TBC1D2: variants seen among roughly 807,000 people sequenced by gnomAD.
The protein encoded by TBC1D2 is TBC1 domain family member 2.
Under a neutral mutation model 91.1 loss-of-function variants are expected in TBC1D2, and 58 were observed. The ratio of observed to expected loss-of-function variants is 0.64; its 90% CI spans 0.52 to 0.79. The LOEUF (loss-of-function observed/expected upper bound fraction) is 0.79. TBC1D2 is among the 30% of genes least tolerant of loss of function. The pLI is 0.00. For missense variants in TBC1D2, 1,080 were observed against 1,208.3 expected, an observed-to-expected ratio of 0.89 and a Z score of 1.57; for synonymous variants, 482 against 511.5, an observed-to-expected ratio of 0.94 and a Z score of 0.78.
At chr9:98,236,752 G>A (rs920640072) in intron 3 of TBC1D2, among the ~76,000 whole-genome samples, 3 of 152,120 alleles carry the variant, frequency 2.0e-5, no homozygotes, top group Admixed American at 6.5e-5. Flanking sequence ...TCCAAAAATG[G>A]TCTGCAAAGA....
intron 1 of TBC1D2, 130 bp from the exon 2 acceptor site, chr9:98,252,056 A>C: frequency 8.4e-7 from 1 of 1,197,206 alleles, no homozygotes; most frequent in Non-Finnish European, 1.1e-6. Context: ...GGGTCACTGT[A>C]GGTATGTATG....
At chr9:98,244,157 C>T (rs1829713599) in intron 2 of TBC1D2, 28 bp from the exon 3 acceptor site, 3 of 1,611,008 alleles carry the variant, frequency 1.9e-6, no homozygotes, top group Non-Finnish European at 2.5e-6. Context: ...GGAAATCCAT[C>T]AGCTGGGTCA....
rs1428405329 is a variant in TBC1D2, at chr9:98,217,888, TA to T, written c.1374+2944del. Reference sequence around the variant, plus strand: ...GCCTTCATACCTAGTGAATTTATTTTATTTTTTTTTAGAGACAGGGTCTTGC... The same window carrying T: ...GCCTTCATACCTAGTGAATTTATTTTTTTTTTTTTAGAGACAGGGTCTTGC... On this transcript the variant is annotated intron_variant, in intron 6 of 12. Coordinates refer to ENST00000465784, the MANE Select transcript of TBC1D2 (RefSeq NM_001267571.2). Among the ~76,000 whole-genome samples, 110 of 152,162 alleles carry T rather than the reference TA, an allele frequency of 7.2e-4. 1 individual carries two copies. The highest frequency in any genetic ancestry group is 2.4e-3 in the African/African-American group (101 of 41,498).
intron 5 of TBC1D2, among the ~76,000 whole-genome samples, chr9:98,222,714 T>C (rs984764900): frequency 6.6e-5 from 10 of 152,262 alleles, no homozygotes; most frequent in Non-Finnish European, 1.3e-4. Flanking sequence ...AACACTGCCC[T>C]GCTCTGTGCT....
chr9:98,218,068 C>T (rs1485859281), intron 6 of TBC1D2, among the ~76,000 whole-genome samples: 2 of 152,006 alleles, frequency 1.3e-5, no homozygotes, highest in Non-Finnish European at 2.9e-5. Flanking sequence ...CCCGGCTTGT[C>T]TCTAACTCCT....
At position 98,208,682 on chromosome 9, in the gene TBC1D2, G is replaced by C. The variant is rs1306430951; in HGVS notation, c.2136C>G (p.Cys712Trp). Residue 712 changes from cysteine (C) to tryptophan (W), a missense_variant, in exon 9 of 13, where the codon TGC (cysteine) becomes TGG (tryptophan). Transcript: ENST00000465784. ...FSWQNPTIGY[C>W]QGLNRLAAIA... The stretch of plus-strand genomic sequence containing the variant: ...TGGTGGCTTACCTGTTCAGGCCCTG[G>C]CAGTAGCCGATGGTGGGGTTCTGCC... 8 of 1,529,820 alleles carry C rather than the reference G, an allele frequency of 5.2e-6. No homozygotes were observed. Among genetic ancestry groups the C allele is most frequent in the Non-Finnish European group, 7.0e-6 (8 of 1,136,458 alleles). 94.8% of individuals were successfully genotyped at this position (1,529,820 alleles called of 1,614,324 possible).
Position 98,255,428 on chromosome 9 carries a change from G to A in TBC1D2, c.114C>T (p.Ala38=). Residue 38 remains alanine (A), a synonymous_variant, in exon 1 of 13, where the codon GCC becomes GCT. Coordinates refer to ENST00000465784, the MANE Select transcript of TBC1D2 (RefSeq NM_001267571.2). ...TCTTGGGGACCGCCTCCAGGGACCG[G>A]GCGCAGTCCCCCGATTCTTCCTCCG... is the stretch of plus-strand genomic sequence containing the variant. ...PPPEEESGDC[A]RSLEAVPKKL... The A allele has an allele frequency of 6.2e-7, 1 of 1,610,488 alleles. No homozygotes were observed. Among genetic ancestry groups the A allele is most frequent in the South Asian group, 1.1e-5 (1 of 90,804 alleles).
chr9:98,213,071 G>C, intron 7 of TBC1D2, 37 bp downstream of exon 7: 1 of 1,610,964 alleles, frequency 6.2e-7, no homozygotes, highest in Admixed American at 1.7e-5. Flanking sequence ...AGAGGGGCCA[G>C]GGATGGAGAC....
intron 5 of TBC1D2, among the ~76,000 whole-genome samples, chr9:98,222,933 T>C (rs112665513): frequency 2.6e-5 from 4 of 152,166 alleles, no homozygotes; most frequent in African/African-American, 9.6e-5. Flanking sequence ...GTGACCATCC[T>C]TTCTCTGGTT....
intron 4 of TBC1D2, among the ~76,000 whole-genome samples, chr9:98,230,407 C>T (rs919275000): frequency 1.3e-5 from 2 of 152,324 alleles, no homozygotes; most frequent in Admixed American, 1.3e-4. Flanking sequence ...CCAAATTACT[C>T]ATTTGCAGGA....
intron 3 of TBC1D2, chr9:98,234,723 T>TG (rs1386601439): frequency 6.6e-6 from 1 of 152,370 alleles, no homozygotes; most frequent in Non-Finnish European, 1.5e-5. Context: ...GGCGCACATC[T>TG]CCTGCCTGCT....
At chr9:98,245,499 G>T (rs759242804) in intron 2 of TBC1D2, among the ~76,000 whole-genome samples, 16 of 152,182 alleles carry the variant, frequency 1.1e-4, no homozygotes, top group Non-Finnish European at 1.6e-4. Flanking sequence ...CCCAGGAGGT[G>T]GAGGTTGCAG....
At chr9:98,244,150 A>T (rs202203233) in intron 2 of TBC1D2, 21 bp from the exon 3 acceptor site, 460 of 1,612,176 alleles carry the variant, frequency 2.9e-4, no homozygotes, top group Middle Eastern at 1.7e-3. Context: ...AGAAAAGGGA[A>T]ATCCATCAGC....
chr9:98,212,971 T>A (rs1437072463), intron 7 of TBC1D2, 137 bp downstream of exon 7: 1 of 882,996 alleles, frequency 1.1e-6, no homozygotes, highest in Non-Finnish European at 1.8e-6. Flanking sequence ...GAACCTGATA[T>A]GGGCCCTGCT....
chr9:98,253,152 A>G (rs1829905674), intron 1 of TBC1D2, among the ~76,000 whole-genome samples: 1 of 152,194 alleles, frequency 6.6e-6, no homozygotes, highest in African/African-American at 2.4e-5. Flanking sequence ...GGCACTGAAT[A>G]CAGGGGTGAG....
intron 1 of TBC1D2, 62 bp downstream of exon 1, chr9:98,255,111 C>T (rs1829945085): frequency 6.5e-7 from 1 of 1,550,314 alleles, no homozygotes; most frequent in African/African-American, 1.4e-5. Context: ...CGCGCCCAGC[C>T]TTGCCCTGCG....
At chr9:98,241,663 T>C (rs1381942413) in intron 3 of TBC1D2, among the ~76,000 whole-genome samples, 2 of 152,174 alleles carry the variant, frequency 1.3e-5, no homozygotes, top group African/African-American at 4.8e-5. Context: ...AGTTTAATAT[T>C]GGTGAGACTG....
chr9:98,211,740 C>T (rs1260632798), intron 7 of TBC1D2, among the ~76,000 whole-genome samples: 7 of 152,128 alleles, frequency 4.6e-5, no homozygotes, highest in African/African-American at 1.7e-4. Context: ...CACCTGGTGC[C>T]CACCTCTGTT....
intron 1 of TBC1D2, among the ~76,000 whole-genome samples, chr9:98,254,014 A>T (rs970271112): frequency 1.3e-5 from 2 of 152,096 alleles, no homozygotes; most frequent in Admixed American, 6.6e-5. Flanking sequence ...GAACCACATG[A>T]CCTCGAAAAT....
Sources: gnomAD v4.1 joint callset for allele counts (sites outside exome capture counted in the v4.1 genomes callset) on GRCh38, gnomAD v4.1.1 for gene constraint, MANE v1.5 for transcripts, NCBI Gene and HGNC (gene_info 2026-07-23, HGNC 2026-07-21) for gene names.